TNS1: variants seen among roughly 807,000 people sequenced by gnomAD.
TNS1 encodes the protein tensin 1.
Under a neutral mutation model 168.6 loss-of-function variants are expected in TNS1, and 62 were observed. The observed-to-expected ratio is 0.37, with a 90% CI of 0.30 to 0.45. The LOEUF (loss-of-function observed/expected upper bound fraction) is 0.45. Ranked by LOEUF, TNS1 falls within the 20% of genes least tolerant of loss-of-function variation. TNS1 has a pLI of 1.00. For missense variants in TNS1, 2,240 were observed against 2,339.4 expected (o/e 0.96, Z 0.88); for synonymous variants, 934 against 933.2 (o/e 1.00, Z -0.02).
intron 22 of TNS1, chr2:217,829,915 GGA>G: frequency 6.2e-7 from 1 of 1,612,068 alleles, no homozygotes; most frequent in Non-Finnish European, 8.5e-7. Flanking sequence ...GTGGGAGGAA[GGA>G]GAGGCAGGAA....
At chr2:217,929,510 G>A (rs1161434509) in intron 3 of TNS1, among the ~76,000 whole-genome samples, 4 of 152,130 alleles carry the variant, frequency 2.6e-5, no homozygotes, top group Non-Finnish European at 5.9e-5. Flanking sequence ...CAAAAGGCCG[G>A]GACAGGCAAG....
chr2:217,852,809 A>C (rs896722314), intron 18 of TNS1, among the ~76,000 whole-genome samples: 4 of 152,226 alleles, frequency 2.6e-5, no homozygotes, highest in African/African-American at 7.2e-5. Flanking sequence ...AAAATCGAAC[A>C]GATGCAAATT....
At chr2:217,863,181 G>A (rs916542518) in intron 18 of TNS1, among the ~76,000 whole-genome samples, 1 of 152,122 alleles carries the variant, frequency 6.6e-6, no homozygotes, top group Non-Finnish European at 1.5e-5. Flanking sequence ...CCAAGCAGCC[G>A]GGTCCCAGAA....
rs192523507 is a variant in TNS1 at position 217,982,507 on chromosome 2, G to A, written c.149-3705C>T. On this transcript the variant is annotated intron_variant, in intron 2 of 32. Coordinates refer to ENST00000682258, the MANE Select transcript of TNS1 (RefSeq NM_001387777.1). Reference sequence around the variant, plus strand: ...CAATCTCCATCTACCAGGCTCAAGCGATCCTCCCACTTCAGCCTCCCAAGC... The same window carrying A: ...CAATCTCCATCTACCAGGCTCAAGCAATCCTCCCACTTCAGCCTCCCAAGC... 4.6e-3 allele frequency among the ~76,000 whole-genome samples: 688 copies of A among 150,266 alleles called. 4 individuals carry two copies. The highest frequency in any genetic ancestry group is 0.016 in the African/African-American group (657 of 40,810).
At chr2:217,974,506 G>T (rs1038127712) in intron 3 of TNS1, among the ~76,000 whole-genome samples, 1 of 152,120 alleles carries the variant, frequency 6.6e-6, no homozygotes, top group Non-Finnish European at 1.5e-5. Flanking sequence ...GGGAAGCTGG[G>T]GTGGAACCTA....
At chr2:217,830,090 G>C in intron 22 of TNS1, 5 of 732,064 alleles carry the variant, frequency 6.8e-6, no homozygotes, top group South Asian at 6.2e-5. Context: ...GGACTCCAAG[G>C]GGAAGGCCGA....
At chr2:218,007,840 G>A (rs1444404387), upstream of TNS1, among the ~76,000 whole-genome samples, 1 of 152,118 alleles carries the variant, frequency 6.6e-6, no homozygotes, top group Non-Finnish European at 1.5e-5. Flanking sequence ...ATGAGTGGGA[G>A]CTCAAGTCCC....
At chr2:217,852,473 G>A (rs1947637441) in intron 18 of TNS1, among the ~76,000 whole-genome samples, 1 of 152,220 alleles carries the variant, frequency 6.6e-6, no homozygotes, top group Non-Finnish European at 1.5e-5. Flanking sequence ...CAAAGCAAAG[G>A]CTGGTGTGTC....
intron 2 of TNS1, among the ~76,000 whole-genome samples, chr2:217,988,995 A>T (rs1425190754): frequency 6.6e-6 from 1 of 152,136 alleles, no homozygotes; most frequent in Non-Finnish European, 1.5e-5. Flanking sequence ...TGGGACTTTG[A>T]CATGGAGGGA....
At position 217,885,787 on chromosome 2, in the gene TNS1, C is replaced by T. The variant is rs1380582040; in HGVS notation, c.1073G>A (p.Cys358Tyr). ...NIPGDSQTSV[C>Y]ITIEPGLLLK... Reference sequence around the variant, plus strand: ...GAGCAGTCCTGGCTCGATGGTGATGCAGACGCTAGTCTGGCTGTCTCCTGG... The same window carrying T: ...GAGCAGTCCTGGCTCGATGGTGATGTAGACGCTAGTCTGGCTGTCTCCTGG... Residue 358 changes from cysteine (C) to tyrosine (Y), a missense_variant, in exon 15 of 33, where the codon TGC (cysteine) becomes TAC (tyrosine). Cys to Tyr is a radical substitution (Grantham distance 194, BLOSUM62 -2). Coordinates refer to ENST00000682258, the MANE Select transcript of TNS1 (RefSeq NM_001387777.1). The T allele has an allele frequency of 1.2e-6, 2 of 1,614,030 alleles. No homozygotes were observed. The highest frequency in any genetic ancestry group is 2.7e-5 in the African/African-American group (2 of 74,920).
intron 1 of TNS1, among the ~76,000 whole-genome samples, chr2:217,994,735 A>G (rs1958437861): frequency 6.6e-6 from 1 of 152,212 alleles, no homozygotes; most frequent in Admixed American, 6.5e-5. Flanking sequence ...CTGAGTTTAC[A>G]AAATATTTCC....
intron 4 of TNS1, among the ~76,000 whole-genome samples, chr2:217,908,513 CCT>C (rs1198010716): frequency 1.3e-5 from 2 of 152,166 alleles, no homozygotes; most frequent in Non-Finnish European, 2.9e-5. Flanking sequence ...CAACCCCATC[CCT>C]GAGAGCTGAG....
At chr2:218,021,254 T>C (rs1310150717) in intron 1 of TNS1, among the ~76,000 whole-genome samples, 1 of 151,962 alleles carries the variant, frequency 6.6e-6, no homozygotes, top group Non-Finnish European at 1.5e-5. Flanking sequence ...AGGCCCAGGC[T>C]TGGGAAGGGC....
chr2:218,031,679 G>A (rs1207858780), intron 1 of TNS1, among the ~76,000 whole-genome samples: 1 of 152,120 alleles, frequency 6.6e-6, no homozygotes, highest in African/African-American at 2.4e-5. Flanking sequence ...TCAGCTCTGG[G>A]GTCTCTGATT....
intron 18 of TNS1, among the ~76,000 whole-genome samples, chr2:217,876,782 A>T (rs1950241665): frequency 6.6e-6 from 1 of 152,114 alleles, no homozygotes; most frequent in Non-Finnish European, 1.5e-5. Flanking sequence ...GGGGAAGATG[A>T]TGTGAAGATA....
chr2:217,895,283 C>T (rs1056351444), intron 8 of TNS1, among the ~76,000 whole-genome samples: 1 of 152,200 alleles, frequency 6.6e-6, no homozygotes, highest in Non-Finnish European at 1.5e-5. Context: ...TGCTCTCGCT[C>T]TCTCTCCCCG....
chr2:218,028,379 C>T (rs1958866982), intron 1 of TNS1, among the ~76,000 whole-genome samples: 2 of 152,212 alleles, frequency 1.3e-5, no homozygotes, highest in Non-Finnish European at 2.9e-5. Flanking sequence ...CTATCACCAC[C>T]ATCCTCTTGC....
At chr2:217,831,427 C>G in intron 22 of TNS1, 28 bp downstream of exon 22, 2 of 1,546,294 alleles carry the variant, frequency 1.3e-6, no homozygotes, top group South Asian at 1.2e-5. Flanking sequence ...CCTGGCCCCC[C>G]TCCCCATCTT....
At chr2:217,914,507 T>C (rs1056594379) in intron 4 of TNS1, among the ~76,000 whole-genome samples, 2 of 152,140 alleles carry the variant, frequency 1.3e-5, no homozygotes, top group Non-Finnish European at 2.9e-5. Context: ...TTGGGTTTTT[T>C]TGTTTTGTTT....
Sources: gnomAD v4.1 joint callset for allele counts (sites outside exome capture counted in the v4.1 genomes callset) on GRCh38, gnomAD v4.1.1 for gene constraint, MANE v1.5 for transcripts, NCBI Gene and HGNC (gene_info 2026-07-23, HGNC 2026-07-21) for gene names.